Variants in NLGN1 observed in about 807,000 individuals in gnomAD.
The protein encoded by NLGN1 is neuroligin-1.
NLGN1 carries 12 observed loss-of-function variants against 65.5 expected under a neutral mutation model. The ratio of observed to expected loss-of-function variants is 0.18; its 90% CI spans 0.12 to 0.30. The LOEUF (loss-of-function observed/expected upper bound fraction) is 0.30. Ranked by LOEUF, NLGN1 falls within the 10% of genes least tolerant of loss-of-function variation. The probability of loss-of-function intolerance (pLI) is 1.00; values close to 1 mark genes in which losing one functional copy is unlikely to be tolerated. For synonymous variants in NLGN1, 350 were observed against 359.5 expected, an observed-to-expected ratio of 0.97 and a Z score of 0.30; for missense variants, 750 against 1,007.1, an observed-to-expected ratio of 0.74 and a Z score of 3.46.
At chr3:173,524,178 A>G (rs1251615902) in intron 2 of NLGN1, among the ~76,000 whole-genome samples, 115 of 151,726 alleles carry the variant, frequency 7.6e-4, no homozygotes, top group African/African-American at 2.7e-3. Flanking sequence ...TGCCCGCCTC[A>G]GCCTCCCAAA....
At position 173,484,220 on chromosome 3, in the gene NLGN1, C is replaced by T. The variant is rs531203164; in HGVS notation, c.-321+49142C>T. Among the ~76,000 whole-genome samples the T allele has an allele frequency of 1.9e-4, 29 of 152,162 alleles. 1 individual carries two copies. In the South Asian group the frequency reaches 5.6e-3, roughly 29 times the overall value. ...AGAGTTGCTCACTGAGCAAATGATGCTGGGATATTTTACCACCTATATTGA... is the reference window on the plus strand; with the variant it reads ...AGAGTTGCTCACTGAGCAAATGATGTTGGGATATTTTACCACCTATATTGA... On this transcript the variant is annotated intron_variant, in intron 2 of 6. Coordinates refer to ENST00000457714, the Ensembl canonical transcript of NLGN1.
intron 1 of NLGN1, among the ~76,000 whole-genome samples, chr3:173,432,963 C>T (rs1717453886): frequency 6.6e-6 from 1 of 152,038 alleles, no homozygotes; most frequent in Non-Finnish European, 1.5e-5. Context: ...TATATTCATC[C>T]AATTTATATC....
At chr3:174,181,562 T>A (rs1452169980) in intron 4 of NLGN1, among the ~76,000 whole-genome samples, 1 of 152,120 alleles carries the variant, frequency 6.6e-6, no homozygotes, top group Non-Finnish European at 1.5e-5. Flanking sequence ...GAAGAGAGCC[T>A]GCCCTGCAGA....
At chr3:173,861,758 A>G (rs1028317041) in intron 4 of NLGN1, among the ~76,000 whole-genome samples, 1 of 151,604 alleles carries the variant, frequency 6.6e-6, no homozygotes, top group African/African-American at 2.4e-5. Context: ...TTTTCATTTT[A>G]TTTATTTATT....
chr3:173,624,054 C>T (rs557299639), intron 3 of NLGN1, among the ~76,000 whole-genome samples: 8 of 152,086 alleles, frequency 5.3e-5, no homozygotes, highest in Non-Finnish European at 4.4e-5. Context: ...GCAGGGCCCT[C>T]TGGCTCTAAC....
At position 173,524,087 on chromosome 3, in the gene NLGN1, AT is replaced by A. The variant is rs567240021; in HGVS notation, c.-320-80180del. On this transcript the variant is annotated intron_variant, in intron 2 of 6. Coordinates refer to ENST00000457714, the Ensembl canonical transcript of NLGN1. ...AGGCACCCGCCACCACGCTCAGCTAATTTTTTTTTTTTGTATGTTTAGTAGA... is the reference window on the plus strand; with the variant it reads ...AGGCACCCGCCACCACGCTCAGCTAATTTTTTTTTTTGTATGTTTAGTAGA... Among the ~76,000 whole-genome samples, 1,018 of 140,224 alleles carry A rather than the reference AT, an allele frequency of 7.3e-3. 27 individuals carry two copies. The highest frequency in any genetic ancestry group is 0.069 in the South Asian group (305 of 4,432). 92.0% of individuals were successfully genotyped at this position (140,224 alleles called of 152,430 possible).
chr3:173,959,832 A>C (rs1284525757), intron 4 of NLGN1, among the ~76,000 whole-genome samples: 5 of 152,142 alleles, frequency 3.3e-5, no homozygotes, highest in Non-Finnish European at 7.4e-5. Context: ...TATGTCAGGT[A>C]AATATTGGTT....
At chr3:173,968,431 T>C (rs976537406) in intron 4 of NLGN1, among the ~76,000 whole-genome samples, 1 of 152,092 alleles carries the variant, frequency 6.6e-6, no homozygotes, top group Non-Finnish European at 1.5e-5. Context: ...TCTATATCTA[T>C]ATCTATCCCT....
At chr3:173,769,185 A>AC (rs968324987) in intron 3 of NLGN1, among the ~76,000 whole-genome samples, 37 of 152,250 alleles carry the variant, frequency 2.4e-4, no homozygotes, top group African/African-American at 8.7e-4. Flanking sequence ...CCTACCCCTT[A>AC]CACTCATCTT....
At chr3:174,074,842 G>A (rs1740579489) in intron 4 of NLGN1, among the ~76,000 whole-genome samples, 2 of 152,156 alleles carry the variant, frequency 1.3e-5, no homozygotes, top group Admixed American at 1.3e-4. Flanking sequence ...CCGTTACACA[G>A]TCTTGCCCAG....
chr3:174,283,390 A>ATGT (rs1751767065), exon 7 of NLGN1: 1 of 151,680 alleles, frequency 6.6e-6, no homozygotes, highest in African/African-American at 2.4e-5. Context: ...TTAGGTACAG[A>ATGT]TGTTGTAGAA....
chr3:173,637,247 G>A (rs1205534614), intron 3 of NLGN1, among the ~76,000 whole-genome samples: 1 of 152,082 alleles, frequency 6.6e-6, no homozygotes, highest in African/African-American at 2.4e-5. Flanking sequence ...CTAGAAGGCA[G>A]TTTATCATAA....
chr3:173,876,209 G>C (rs911571305), intron 4 of NLGN1, among the ~76,000 whole-genome samples: 3 of 152,122 alleles, frequency 2.0e-5, no homozygotes, highest in Admixed American at 2.0e-4. Context: ...GGCTGTGGAA[G>C]TGGTAATTTT....
intron 4 of NLGN1, among the ~76,000 whole-genome samples, chr3:173,832,548 G>C (rs932865665): frequency 6.6e-6 from 1 of 152,120 alleles, no homozygotes; most frequent in African/African-American, 2.4e-5. Flanking sequence ...AAACAAAAAG[G>C]TATGTATGAA....
chr3:173,537,758 G>A (rs949197647), intron 2 of NLGN1, among the ~76,000 whole-genome samples: 3 of 152,062 alleles, frequency 2.0e-5, no homozygotes, highest in Non-Finnish European at 4.4e-5. Flanking sequence ...TTGAGTTGGT[G>A]TACTCTTTCA....
In NLGN1 at chr3:174,160,824, A is replaced by G. The variant is rs550286638; in HGVS notation, c.647-114491A>G. Among the ~76,000 whole-genome samples the G allele has an allele frequency of 5.3e-5, 8 of 151,690 alleles. No homozygotes were observed. In the South Asian group the frequency reaches 1.7e-3, roughly 31 times the overall value. On this transcript the variant is annotated intron_variant, in intron 4 of 6. Coordinates refer to ENST00000457714, the Ensembl canonical transcript of NLGN1. ...TTATTTTAAATTGTCCAATTATATT[A>G]TTATTGACCATAGTCACTCTGTTGT...
intron 1 of NLGN1, among the ~76,000 whole-genome samples, chr3:173,401,289 C>T (rs1717650496): frequency 6.6e-6 from 1 of 150,596 alleles, no homozygotes; most frequent in Non-Finnish European, 1.5e-5. Context: ...TCTAAGAGGT[C>T]AGATTGTCCC....
chr3:173,595,894 C>A (rs1304892999), intron 2 of NLGN1, among the ~76,000 whole-genome samples: 1 of 152,136 alleles, frequency 6.6e-6, no homozygotes, highest in Non-Finnish European at 1.5e-5. Context: ...GGAAACCACC[C>A]CCATGATTCA....
chr3:173,918,231 A>G (rs1741134124), intron 4 of NLGN1, among the ~76,000 whole-genome samples: 1 of 152,106 alleles, frequency 6.6e-6, no homozygotes, highest in South Asian at 2.1e-4. Flanking sequence ...TGCTTACTTA[A>G]TGCTTCATTA....
Sources: gnomAD v4.1 joint callset for allele counts (sites outside exome capture counted in the v4.1 genomes callset) on GRCh38, gnomAD v4.1.1 for gene constraint, MANE v1.5 for transcripts, NCBI Gene and HGNC (gene_info 2026-07-23, HGNC 2026-07-21) for gene names.